MAML3: variants seen among roughly 807,000 people sequenced by gnomAD.
MAML3 encodes the protein mastermind like transcriptional coactivator 3, also known as mastermind-like protein 3.
A neutral mutation model predicts 101.9 loss-of-function variants in MAML3; 27 were observed. The ratio of observed to expected loss-of-function variants is 0.27; its 90% CI spans 0.20 to 0.37. The LOEUF (loss-of-function observed/expected upper bound fraction) is 0.37, where lower values mean the gene tolerates loss of function less well. MAML3 is among the 10% of genes least tolerant of loss of function. The probability of loss-of-function intolerance (pLI) is 1.00; values close to 1 mark genes in which losing one functional copy is unlikely to be tolerated. For synonymous variants in MAML3, 501 were observed against 555.9 expected (o/e 0.90, Z 1.39); for missense variants, 1,316 against 1,444.9 (o/e 0.91, Z 1.45).
rs145695781 is a variant in MAML3, at chr4:139,971,878, A to G, written c.469-80911T>C. Reference sequence around the variant, plus strand: ...TGGAATGGACCTTTCTCATGGCCCTATGAGATTGGGAGGATCAGCAGTGGG... The same window carrying G: ...TGGAATGGACCTTTCTCATGGCCCTGTGAGATTGGGAGGATCAGCAGTGGG... On this transcript the variant is annotated intron_variant, in intron 1 of 4. Transcript: ENST00000509479. Among the ~76,000 whole-genome samples, 153 of 152,268 alleles carry G rather than the reference A, an allele frequency of 1.0e-3. 1 individual carries two copies. The highest frequency in any genetic ancestry group is 3.0e-3 in the African/African-American group (124 of 41,544).
chr4:140,041,671 G>A lies in MAML3; in HGVS notation c.468+111189C>T, dbSNP rs115444592. 3.5e-3 allele frequency among the ~76,000 whole-genome samples: 538 copies of A among 152,208 alleles called. 3 individuals carry two copies. The highest frequency in any genetic ancestry group is 0.012 in the African/African-American group (515 of 41,546). ...AGGGAAGAGAGGGCAAGGAAGGCAG[G>A]AGGATCAACTACTCCAAATTGAAGA... On this transcript the variant is annotated intron_variant, in intron 1 of 4. Coordinates refer to ENST00000509479, the MANE Select transcript of MAML3 (RefSeq NM_018717.5).
At chr4:140,141,748 G>C (rs1490910402) in intron 1 of MAML3, among the ~76,000 whole-genome samples, 1 of 152,162 alleles carries the variant, frequency 6.6e-6, no homozygotes, top group African/African-American at 2.4e-5. Flanking sequence ...AATGTTCTGT[G>C]CAAAGACCAA....
chr4:140,134,070 A>G (rs1728842019), intron 1 of MAML3: 1 of 455,692 alleles, frequency 2.2e-6, no homozygotes, highest in Non-Finnish European at 4.4e-6. Context: ...CAGTTGTATT[A>G]AAACCTCCAG....
intron 2 of MAML3, among the ~76,000 whole-genome samples, chr4:139,787,262 T>C (rs1042427502): frequency 1.3e-5 from 2 of 149,120 alleles, no homozygotes; most frequent in Admixed American, 1.3e-4. Flanking sequence ...CAAATACAGG[T>C]CCCCTCCTGG....
At position 139,777,566 on chromosome 4, in the gene MAML3, G is replaced by A. The variant is rs187068228; in HGVS notation, c.2080-46899C>T. ...ATCTGAGACATGGTTTCTCTCTGTC[G>A]CCCAGGCTGGAGTGCAGCAGCATCA... On this transcript the variant is annotated intron_variant, in intron 2 of 4. Coordinates refer to ENST00000509479, the MANE Select transcript of MAML3 (RefSeq NM_018717.5). 1.1e-4 allele frequency among the ~76,000 whole-genome samples: 16 copies of A among 151,974 alleles called. No homozygotes were observed. In the East Asian group the frequency reaches 2.1e-3, roughly 20 times the overall value.
At position 140,151,778 on chromosome 4, in the gene MAML3, G is replaced by A. The variant is rs188023577; in HGVS notation, c.468+1082C>T. Reference sequence around the variant, plus strand: ...AAAGAACCGGAGAGGGGAGATAAGAGAAAGGATTCTAGCCTCCGGCTTGGG... The same window carrying A: ...AAAGAACCGGAGAGGGGAGATAAGAAAAAGGATTCTAGCCTCCGGCTTGGG... On this transcript the variant is annotated intron_variant, in intron 1 of 4. Transcript: ENST00000509479. Among the ~76,000 whole-genome samples the A allele has an allele frequency of 9.2e-3, 1,394 of 151,458 alleles. 13 individuals carry two copies. Among genetic ancestry groups the A allele is most frequent in the Non-Finnish European group, 0.015 (988 of 67,972 alleles).
At position 139,717,198 on chromosome 4, in the gene MAML3, C is replaced by T. The variant is rs1427368211; in HGVS notation, c.*2125G>A. ...ACAAAACCACCATATTAAAATCTAC[C>T]TATTAGTTGGTCCCAGTACTGAGCA... On this transcript the variant is annotated 3_prime_UTR_variant, in exon 5 of 5. Coordinates refer to ENST00000509479, the MANE Select transcript of MAML3 (RefSeq NM_018717.5). 6.6e-6 allele frequency: 1 copy of T among 152,416 alleles called. No individual in the cohort carries two copies. The highest frequency in any genetic ancestry group is 2.4e-5 in the African/African-American group (1 of 41,360). The allele number at this position is 152,416 out of a possible 1,614,324, so 9.4% of individuals were successfully genotyped here. A position where few individuals can be genotyped will look rare whatever the true frequency, so the allele number is the denominator to read the frequency against.
At chr4:139,950,316 A>G (rs1733811346) in intron 1 of MAML3, among the ~76,000 whole-genome samples, 1 of 152,200 alleles carries the variant, frequency 6.6e-6, no homozygotes, top group South Asian at 2.1e-4. Flanking sequence ...CTGGGATTAC[A>G]GGCATGAGCC....
intron 1 of MAML3, among the ~76,000 whole-genome samples, chr4:140,008,523 TC>T (rs1321358073): frequency 6.6e-6 from 1 of 152,124 alleles, no homozygotes; most frequent in Non-Finnish European, 1.5e-5. Context: ...TTGACATTGG[TC>T]CCTGAAGGAA....
chr4:140,146,959 C>T (rs1029409910), intron 1 of MAML3, among the ~76,000 whole-genome samples: 1 of 151,702 alleles, frequency 6.6e-6, no homozygotes, highest in African/African-American at 2.4e-5. Context: ...CATGGTGAAA[C>T]CTGTCTCTAC....
intron 1 of MAML3, among the ~76,000 whole-genome samples, chr4:140,027,385 A>T (rs1726843467): frequency 6.6e-6 from 1 of 152,160 alleles, no homozygotes; most frequent in African/African-American, 2.4e-5. Context: ...CTCCCGTGGT[A>T]TACTTTAGTT....
At position 139,719,733 on chromosome 4, in the gene MAML3, G is replaced by C. The variant is rs368792938; in HGVS notation, c.3007C>G (p.Pro1003Ala). 1 of 1,613,610 alleles carries C rather than the reference G, an allele frequency of 6.2e-7. No individual in the cohort carries two copies. Among genetic ancestry groups the C allele is most frequent in the Non-Finnish European group, 8.5e-7 (1 of 1,179,852 alleles). Residue 1003 changes from proline (P) to alanine (A), a missense_variant, in exon 5 of 5, where the codon CCA becomes GCA. Coordinates refer to ENST00000509479, the MANE Select transcript of MAML3 (RefSeq NM_018717.5). ...ACGACTGACTGGCTCAGTCCCTGTG[G>C]GAAGTGCTGCTTGGTCAGTCTCGGC... ...GQPRLTKQHF[P>A]QGLSQSVVDA...
chr4:139,742,847 A>G (rs1729210615), intron 2 of MAML3, among the ~76,000 whole-genome samples: 1 of 152,202 alleles, frequency 6.6e-6, no homozygotes, highest in South Asian at 2.1e-4. Flanking sequence ...TGACTATAAC[A>G]ATAGAGGCCT....
At position 140,117,904 on chromosome 4, in the gene MAML3, T is replaced by C. The variant is rs530807680; in HGVS notation, c.468+34956A>G. Among the ~76,000 whole-genome samples, 50 of 152,264 alleles carry C rather than the reference T, an allele frequency of 3.3e-4. No individual in the cohort carries two copies. In the East Asian group the frequency reaches 7.5e-3, roughly 23 times the overall value. On this transcript the variant is annotated intron_variant, in intron 1 of 4. Coordinates refer to ENST00000509479, the MANE Select transcript of MAML3 (RefSeq NM_018717.5). Reference sequence around the variant, plus strand: ...TCAGATTAAGAAGGAAAGATTAATCTAGTAATTCTAAGGGTAATTTGTGTT... The same window carrying C: ...TCAGATTAAGAAGGAAAGATTAATCCAGTAATTCTAAGGGTAATTTGTGTT...
intron 1 of MAML3, among the ~76,000 whole-genome samples, chr4:140,028,876 C>G (rs1354981046): frequency 6.6e-6 from 1 of 152,196 alleles, no homozygotes; most frequent in African/African-American, 2.4e-5. Flanking sequence ...ATGATTCATG[C>G]TCTCCTGTGA....
chr4:140,140,989 G>A (rs1182978989), intron 1 of MAML3, among the ~76,000 whole-genome samples: 3 of 152,196 alleles, frequency 2.0e-5, no homozygotes, highest in African/African-American at 7.2e-5. Context: ...TCAAATAGAT[G>A]AGAACTGCTC....
chr4:139,859,634 T>C (rs1216851070), intron 2 of MAML3, among the ~76,000 whole-genome samples: 1 of 152,206 alleles, frequency 6.6e-6, no homozygotes, highest in Non-Finnish European at 1.5e-5. Context: ...TACTAAGTGC[T>C]AGGAACTGTG....
At chr4:139,979,614 C>T (rs926558338) in intron 1 of MAML3, among the ~76,000 whole-genome samples, 20 of 152,214 alleles carry the variant, frequency 1.3e-4, no homozygotes, top group Admixed American at 3.9e-4. Flanking sequence ...AGGCTACTCC[C>T]TCATGAATAG....
At chr4:139,888,739 A>G (rs142356110) in intron 2 of MAML3, 8,632 of 490,514 alleles carry the variant, frequency 0.018, 448 homozygotes, top group Admixed American at 0.12. Flanking sequence ...GAGAGGTTTC[A>G]TTGCACTCCC....
Sources: allele counts gnomAD v4.1 joint callset (sites outside exome capture counted in the v4.1 genomes callset), GRCh38; gene constraint gnomAD v4.1.1; transcripts MANE v1.5; gene names NCBI Gene and HGNC (gene_info 2026-07-23, HGNC 2026-07-21).